Variants in DAAM2 observed in about 807,000 individuals in gnomAD.
DAAM2 encodes the protein dishevelled associated activator of morphogenesis 2.
A neutral mutation model predicts 120.7 loss-of-function variants in DAAM2; 39 were observed. The ratio of observed to expected loss-of-function variants is 0.32; its 90% CI spans 0.25 to 0.42. The LOEUF (loss-of-function observed/expected upper bound fraction) is 0.42. Ranked by LOEUF, DAAM2 falls within the 10% of genes least tolerant of loss-of-function variation. The probability of loss-of-function intolerance (pLI) is 1.00; values close to 1 mark genes in which losing one functional copy is unlikely to be tolerated. For synonymous variants in DAAM2, 488 were observed against 524.9 expected, an observed-to-expected ratio of 0.93 and a Z score of 0.96; for missense variants, 1,283 against 1,401.7, an observed-to-expected ratio of 0.92 and a Z score of 1.35.
chr6:39,878,197 T>A lies in DAAM2; in HGVS notation c.1302-6T>A. The A allele has an allele frequency of 6.2e-7, 1 of 1,613,962 alleles. No homozygotes were observed. The highest frequency in any genetic ancestry group is 1.1e-5 in the South Asian group (1 of 91,074). ...CACATTGCCCCTTCCCTCTATGCCC[T>A]GCCAGGCTCATCAACGAGAATGAAG... On this transcript the variant is annotated splice_region_variant and splice_polypyrimidine_tract_variant and intron_variant, in intron 11 of 24. Transcript: ENST00000274867. This position sits in a 1 kb window ranked among gnomAD's most constrained non-coding sequence, Gnocchi z 5.0.
At chr6:39,805,799 G>C (rs192081634) in intron 1 of DAAM2, among the ~76,000 whole-genome samples, 2 of 152,016 alleles carry the variant, frequency 1.3e-5, no homozygotes, top group South Asian at 2.1e-4. Flanking sequence ...TGATCCACCC[G>C]CCTTGGCCTC....
Position 39,896,931 on chromosome 6 carries a change from C to T in DAAM2, c.2461C>T (p.Arg821Trp), listed in dbSNP as rs1406818181. The T allele has an allele frequency of 4.3e-6, 7 of 1,613,290 alleles. No homozygotes were observed. The highest frequency in any genetic ancestry group is 2.2e-5 in the East Asian group (1 of 44,882). ...GCAGCGTGGGGGCGCCTACGGGTTC[C>T]GGGTGGCCAGCCTCAACAAGATCGC... ...KGQRGGAYGF[R>W]VASLNKIADT... The change falls in exon 20 of 25, where the codon CGG (arginine) becomes TGG (tryptophan). Residue 821 changes from arginine to tryptophan, a missense_variant. This residue lies in a region of DAAM2 where 748 missense variants were observed against 768.6 expected (regional missense o/e 0.97). Transcript: ENST00000274867.
At chr6:39,801,442 G>A (rs572124119) in intron 1 of DAAM2, among the ~76,000 whole-genome samples, 2 of 152,300 alleles carry the variant, frequency 1.3e-5, no homozygotes, top group African/African-American at 4.8e-5. Flanking sequence ...TGGAGACAAG[G>A]GGCTGGACAA....
intron 1 of DAAM2, among the ~76,000 whole-genome samples, chr6:39,795,061 T>G (rs1158487884): frequency 2.6e-5 from 4 of 152,170 alleles, no homozygotes; most frequent in African/African-American, 9.7e-5. Flanking sequence ...GGGCTTGTAC[T>G]AGGAGACATT....
chr6:39,879,205 C>G lies in DAAM2; in HGVS notation c.1573C>G (p.Pro525Ala), dbSNP rs1249953560. 5 of 1,549,748 alleles carry G rather than the reference C, an allele frequency of 3.2e-6. No homozygotes were observed. The highest frequency in any genetic ancestry group is 2.4e-5 in the East Asian group (1 of 40,924). Reference protein sequence around the residue: ...STGPVSSPPPPGGPLTLSSSM... With the variant: ...STGPVSSPPPAGGPLTLSSSM... ...AGGCCCTGTATCTTCCCCACCACCC[C>G]CTGGGGGCCCACTCACCTTGTCTTC... Residue 525 changes from proline to alanine, a missense_variant, in exon 14 of 25, where the codon CCT (proline) becomes GCT (alanine). Physicochemically the swap from Pro to Ala is conservative, Grantham distance 27. Around this residue, in one of 3 missense-constraint regions of DAAM2, gnomAD observed 748 missense variants for 768.6 expected, o/e 0.97. Transcript: ENST00000274867.
intron 1 of DAAM2, among the ~76,000 whole-genome samples, chr6:39,799,268 G>A (rs189357120): frequency 2.0e-5 from 3 of 152,238 alleles, no homozygotes; most frequent in Middle Eastern, 3.4e-3. Flanking sequence ...GTGAAAAGTC[G>A]GGTTTTGTCT....
chr6:39,862,486 A>C (rs539363663), intron 3 of DAAM2: 2 of 152,266 alleles, frequency 1.3e-5, no homozygotes, highest in South Asian at 4.1e-4. Context: ...TCTCTTCTAC[A>C]GCTGCTAAAA....
rs1446781246 is a variant in DAAM2 at position 39,875,364 on chromosome 6, G to C, written c.1197G>C (p.Gln399His). 1.2e-6 allele frequency: 2 copies of C among 1,613,818 alleles called. No individual in the cohort carries two copies. The highest frequency in any genetic ancestry group is 1.1e-5 in the South Asian group (1 of 91,086). The change falls in exon 11 of 25, where the codon CAG (glutamine) becomes CAC (histidine). Residue 399 changes from glutamine (Q) to histidine (H), a missense_variant. Around this residue, in one of 3 missense-constraint regions of DAAM2, gnomAD observed 338 missense variants for 443.9 expected, o/e 0.76. Transcript: ENST00000274867. ...ACGGTGGCTACTTCCAGCAGTGGCA[G>C]CTCCTGGACCGCATCCTCCAGCAGA... ...KRNGGYFQQW[Q>H]LLDRILQQIV... is the part of the protein sequence containing the mutation.
rs371159476 is a variant in DAAM2, at chr6:39,879,374, T to G, written c.1742T>G (p.Leu581Arg). The G allele has an allele frequency of 8.3e-6, 11 of 1,320,328 alleles. No homozygotes were observed. The highest frequency in any genetic ancestry group is 9.8e-6 in the Non-Finnish European group (10 of 1,017,968). The allele number at this position is 1,320,328 out of a possible 1,614,324, so 81.8% of individuals were successfully genotyped here. A position where few individuals can be genotyped will look rare whatever the true frequency, so the allele number is the denominator to read the frequency against. The change falls in exon 14 of 25, where the codon CTC becomes CGC. Residue 581 changes from leucine (L) to arginine (R), a missense_variant. Around this residue, in one of 3 missense-constraint regions of DAAM2, gnomAD observed 748 missense variants for 768.6 expected, o/e 0.97. Transcript: ENST00000274867. ...APPCLGMGLP[L>R]PQDPYPSSDV... ...CCTTGCCTCGGCATGGGCCTGCCCC[T>G]CCCTCAGGACCCCTACCCCAGCAGT...
chr6:39,895,514 C>T (rs1269228526), intron 19 of DAAM2, among the ~76,000 whole-genome samples: 1 of 152,080 alleles, frequency 6.6e-6, no homozygotes, highest in African/African-American at 2.4e-5. Flanking sequence ...GGTATAGCTT[C>T]TTTTTAACAG....
intron 1 of DAAM2, among the ~76,000 whole-genome samples, chr6:39,834,481 C>T (rs752476443): frequency 1.3e-5 from 2 of 152,192 alleles, no homozygotes; most frequent in Non-Finnish European, 2.9e-5. Context: ...ACAGCCCTGA[C>T]TCTCAGTGCT....
chr6:39,899,056 G>A (rs540270973), intron 22 of DAAM2, 119 bp downstream of exon 22: 18 of 726,882 alleles, frequency 2.5e-5, no homozygotes, highest in African/African-American at 2.2e-4. Context: ...CTAGCACAGG[G>A]TCAGCCCTCC....
chr6:39,809,915 A>G lies in DAAM2; in HGVS notation c.-57+17450A>G, dbSNP rs182532793. On this transcript the variant is annotated intron_variant, in intron 1 of 24. Coordinates refer to ENST00000274867, the MANE Select transcript of DAAM2 (RefSeq NM_001201427.2). ...GTTGGTAGGGTGGTTCCACAGTGCC[A>G]TCAGGGACCCAGGCTCCCTCTCTCT... is the stretch of plus-strand genomic sequence containing the variant. Among the ~76,000 whole-genome samples the G allele has an allele frequency of 2.3e-4, 35 of 152,324 alleles. 1 individual carries two copies. Among genetic ancestry groups the G allele is most frequent in the South Asian group, 6.2e-4 (3 of 4,828 alleles).
At chr6:39,823,413 A>G (rs1016083513) in intron 1 of DAAM2, among the ~76,000 whole-genome samples, 1 of 152,198 alleles carries the variant, frequency 6.6e-6, no homozygotes, top group Non-Finnish European at 1.5e-5. Flanking sequence ...GACCTAGGCC[A>G]GAGACTCAGA....
At chr6:39,891,257 C>T in intron 17 of DAAM2, 84 bp from the exon 18 acceptor site, 1 of 1,098,954 alleles carries the variant, frequency 9.1e-7, no homozygotes, top group South Asian at 1.4e-5. Context: ...CCATCTTGAC[C>T]CAAGTCAGTA....
intron 14 of DAAM2, among the ~76,000 whole-genome samples, chr6:39,881,340 G>C (rs553449540): frequency 2.1e-4 from 32 of 152,238 alleles, no homozygotes; most frequent in Non-Finnish European, 3.1e-4. Context: ...CCAATGCCAA[G>C]CTTTTAATTG....
intron 1 of DAAM2, among the ~76,000 whole-genome samples, chr6:39,797,740 A>G (rs1216003259): frequency 2.6e-5 from 4 of 152,228 alleles, no homozygotes; most frequent in Non-Finnish European, 5.9e-5. Flanking sequence ...GGAAAAAGAA[A>G]CAGCCAAGAC....
chr6:39,891,665 C>T lies in DAAM2; in HGVS notation c.2284C>T (p.Leu762Phe). The change falls in exon 19 of 25, where the codon CTC (leucine) becomes TTC (phenylalanine). Residue 762 changes from leucine (L) to phenylalanine (F), a missense_variant. By Grantham distance (22) the Leu-to-Phe change is conservative. Coordinates refer to ENST00000274867, the MANE Select transcript of DAAM2 (RefSeq NM_001201427.2). ...IDHYQQRLQA[L>F]FFKKKFQERL... ...CCACTACCAGCAGCGACTGCAAGCCCTCTTCTTCAAGAAGAAATTCCAGGA... is the reference window on the plus strand; with the variant it reads ...CCACTACCAGCAGCGACTGCAAGCCTTCTTCTTCAAGAAGAAATTCCAGGA... 6.2e-7 allele frequency: 1 copy of T among 1,611,430 alleles called. No homozygotes were observed.
chr6:39,891,500 G>A (rs935063893), intron 18 of DAAM2, 53 bp downstream of exon 18: 4 of 1,523,300 alleles, frequency 2.6e-6, no homozygotes, highest in Non-Finnish European at 3.6e-6. Context: ...TGGCAGGTGG[G>A]GCAGGTGGGG....
Sources: gnomAD v4.1 joint callset for allele counts (sites outside exome capture counted in the v4.1 genomes callset) on GRCh38, gnomAD v4.1.1 for gene constraint, gnomAD v4.1.1 regional missense constraint, Gnocchi (gnomAD v3.1) non-coding constraint, MANE v1.5 for transcripts, NCBI Gene and HGNC (gene_info 2026-07-23, HGNC 2026-07-21) for gene names.